Variants in POC1B observed in about 807,000 individuals in gnomAD.
The protein encoded by POC1B is POC1 centriolar protein homolog B.
In POC1B, 44 loss-of-function variants were observed where a neutral mutation model predicts 60.6. The observed-to-expected ratio is 0.73, with a 90% CI of 0.57 to 0.93. The LOEUF is 0.93. POC1B is among the 40% of genes least tolerant of loss of function. POC1B has a pLI of 0.00. For synonymous variants in POC1B, 180 were observed against 198.9 expected (o/e 0.90, Z 0.80); for missense variants, 555 against 572.3 (o/e 0.97, Z 0.31).
At chr12:89,402,350 C>G in the POC1B span, among the ~76,000 whole-genome samples, 1 of 151,698 alleles carries the variant, frequency 6.6e-6, no homozygotes, top group South Asian at 2.1e-4. Context: ...CACACACACA[C>G]ACACACACAC....
At chr12:89,486,024 G>A (rs531342528) in intron 4 of POC1B, among the ~76,000 whole-genome samples, 39 of 152,048 alleles carry the variant, frequency 2.6e-4, no homozygotes, top group Non-Finnish European at 4.7e-4. Flanking sequence ...ACCTCGATAT[G>A]TAAAAGACCA....
chr12:89,522,372 A>G, intron 2 of POC1B: 1 of 390,942 alleles, frequency 2.6e-6, no homozygotes, highest in Non-Finnish European at 4.5e-6. Context: ...AAAGAAATAC[A>G]AATTCTATGT....
At chr12:89,509,799 T>C (rs1162427453) in intron 2 of POC1B, among the ~76,000 whole-genome samples, 6 of 152,294 alleles carry the variant, frequency 3.9e-5, no homozygotes, top group Non-Finnish European at 4.4e-5. Context: ...TTCAGAATCA[T>C]GGAACCACAC....
intron 10 of POC1B, chr12:89,428,958 C>T (rs1312448785): frequency 3.3e-5 from 5 of 152,072 alleles, no homozygotes; most frequent in Non-Finnish European, 5.9e-5. Context: ...TAAGTATGTA[C>T]ATACATGGCC....
chr12:89,520,663 C>T (rs2135772632), intron 2 of POC1B: 1 of 152,238 alleles, frequency 6.6e-6, no homozygotes, highest in East Asian at 1.9e-4. Flanking sequence ...GATTGCATAG[C>T]AATTTTATTT....
chr12:89,489,725 A>G (rs1868846653), intron 4 of POC1B, among the ~76,000 whole-genome samples: 1 of 152,184 alleles, frequency 6.6e-6, no homozygotes, highest in African/African-American at 2.4e-5. Context: ...CAGGATGGCT[A>G]CAGGGGCCAC....
chr12:89,415,392 C>T (rs973230683), downstream of POC1B, among the ~76,000 whole-genome samples: 4 of 151,976 alleles, frequency 2.6e-5, no homozygotes, highest in Non-Finnish European at 5.9e-5. Flanking sequence ...GCCTGTAATC[C>T]CAGCACTTTG....
chr12:89,458,250 T>G (rs1471147144), intron 10 of POC1B, among the ~76,000 whole-genome samples: 1 of 152,220 alleles, frequency 6.6e-6, no homozygotes, highest in Non-Finnish European at 1.5e-5. Flanking sequence ...CTCATCAGAT[T>G]TTGTAAATTT....
intron 10 of POC1B, among the ~76,000 whole-genome samples, chr12:89,448,209 G>A (rs1183093348): frequency 2.0e-5 from 3 of 152,156 alleles, no homozygotes; most frequent in Admixed American, 6.5e-5. Flanking sequence ...GGAGGCTGAA[G>A]CTGGAGGATG....
In POC1B at chr12:89,425,309, G is replaced by A. The variant is rs202077013; in HGVS notation, c.1184C>T (p.Ser395Phe). Reference sequence around the variant, plus strand: ...TGGCAAACATTCTGGTGACATTAAGGAAGGGTTCAAGAAATATCCACAGGC... The same window carrying A: ...TGGCAAACATTCTGGTGACATTAAGAAAGGGTTCAAGAAATATCCACAGGC... ...EEACGYFLNP[S>F]LMSPECLPTT... is the part of the protein sequence containing the mutation. Residue 395 changes from serine to phenylalanine, a missense_variant, in exon 11 of 12, where the codon TCC (serine) becomes TTC (phenylalanine). Coordinates refer to ENST00000313546, the MANE Select transcript of POC1B (RefSeq NM_172240.3). 2 of 1,614,136 alleles carry A rather than the reference G, an allele frequency of 1.2e-6. No homozygotes were observed. Among genetic ancestry groups the A allele is most frequent in the East Asian group, 2.2e-5 (1 of 44,884 alleles).
intron 2 of POC1B, among the ~76,000 whole-genome samples, chr12:89,511,491 A>G (rs1405750024): frequency 6.6e-6 from 1 of 152,116 alleles, no homozygotes; most frequent in Non-Finnish European, 1.5e-5. Flanking sequence ...CTTATTTCAG[A>G]AGTCCTTCTC....
At chr12:89,471,271 T>C (rs1381858792) in intron 6 of POC1B, among the ~76,000 whole-genome samples, 2 of 152,210 alleles carry the variant, frequency 1.3e-5, no homozygotes, top group African/African-American at 2.4e-5. Flanking sequence ...CTACCAGTTA[T>C]AACACCTATT....
intron 1 of POC1B, chr12:89,525,535 C>T: frequency 7.7e-7 from 1 of 1,295,368 alleles, no homozygotes; most frequent in Non-Finnish European, 9.7e-7. Flanking sequence ...TGCGAGGATG[C>T]GCCTCGGCTT....
intron 2 of POC1B, chr12:89,522,974 G>A: frequency 6.2e-7 from 1 of 1,613,992 alleles, no homozygotes; most frequent in South Asian, 1.1e-5. Context: ...ATGTTTGCTG[G>A]TACAGGGAAC....
chr12:89,523,732 G>T, intron 2 of POC1B: 2 of 1,547,962 alleles, frequency 1.3e-6, no homozygotes, highest in Non-Finnish European at 1.7e-6. Flanking sequence ...ACCAATCATG[G>T]GCTCCCCTAT....
chr12:89,482,100 G>A (rs1868382772), intron 4 of POC1B, among the ~76,000 whole-genome samples: 2 of 152,136 alleles, frequency 1.3e-5, no homozygotes, highest in South Asian at 4.1e-4. Context: ...ACCCAGATAT[G>A]GCATAGATGT....
intron 11 of POC1B, among the ~76,000 whole-genome samples, chr12:89,424,620 T>C (rs1269272335): frequency 6.6e-6 from 1 of 152,214 alleles, no homozygotes; most frequent in African/African-American, 2.4e-5. Flanking sequence ...CATTTCAACA[T>C]ACCACTTCCC....
chr12:89,525,327 TG>T, intron 1 of POC1B, 123 bp from the exon 2 acceptor site: 1 of 1,448,040 alleles, frequency 6.9e-7, no homozygotes, highest in Non-Finnish European at 9.1e-7. Flanking sequence ...GCGGCTTGGC[TG>T]GGCGGCGGGG....
chr12:89,421,118 G>T lies in POC1B; in HGVS notation c.*35C>A. ...TGTATGTACATTTGTTCATTTATTGGGCCTCTGCCCAACAAATGAAAATGA... is the reference window on the plus strand; with the variant it reads ...TGTATGTACATTTGTTCATTTATTGTGCCTCTGCCCAACAAATGAAAATGA... On this transcript the variant is annotated 3_prime_UTR_variant, in exon 12 of 12. Transcript: ENST00000313546. 1 of 1,491,488 alleles carries T rather than the reference G, an allele frequency of 6.7e-7. No individual in the cohort carries two copies. The highest frequency in any genetic ancestry group is 9.2e-7 in the Non-Finnish European group (1 of 1,087,424). The allele number at this position is 1,491,488 out of a possible 1,614,324, so 92.4% of individuals were successfully genotyped here. A position where few individuals can be genotyped will look rare whatever the true frequency, so the allele number is the denominator to read the frequency against.
Sources: allele counts gnomAD v4.1 joint callset (sites outside exome capture counted in the v4.1 genomes callset), GRCh38; gene constraint gnomAD v4.1.1; transcripts MANE v1.5; gene names NCBI Gene and HGNC (gene_info 2026-07-23, HGNC 2026-07-21).